The following TENM4 variants were observed in gnomAD, a reference collection of about 807,000 sequenced individuals.
TENM4 encodes the protein teneurin transmembrane protein 4, also known as teneurin-4.
Under a neutral mutation model 243.3 loss-of-function variants are expected in TENM4, and 82 were observed. The observed-to-expected ratio is 0.34, with a 90% CI of 0.28 to 0.40. The LOEUF is 0.40. TENM4 is among the 10% of genes least tolerant of loss of function. TENM4 has a pLI of 1.00. For synonymous variants in TENM4, 1,412 were observed against 1,456.3 expected (o/e 0.97, Z 0.69); for missense variants, 3,138 against 3,673.3 (o/e 0.85, Z 3.77).
intron 12 of TENM4, among the ~76,000 whole-genome samples, chr11:78,835,157 A>C (rs1218693682): frequency 6.6e-6 from 1 of 152,142 alleles, no homozygotes; most frequent in African/African-American, 2.4e-5. Context: ...TCTCAGTAGC[A>C]TTTGACATGA....
At chr11:79,015,673 T>C (rs1238832857) in intron 6 of TENM4, among the ~76,000 whole-genome samples, 1 of 152,202 alleles carries the variant, frequency 6.6e-6, no homozygotes, top group Non-Finnish European at 1.5e-5. Flanking sequence ...CTTGAGAGTC[T>C]GCTGCACTAT....
chr11:79,216,382 G>A (rs188280442), intron 2 of TENM4, among the ~76,000 whole-genome samples: 2 of 152,344 alleles, frequency 1.3e-5, no homozygotes, highest in East Asian at 3.9e-4. Context: ...CTAAGGTCTA[G>A]GGTTAGTGGC....
intron 2 of TENM4, among the ~76,000 whole-genome samples, chr11:79,296,287 A>G (rs1448295832): frequency 6.6e-6 from 1 of 152,210 alleles, no homozygotes. Flanking sequence ...GTAAAAAAGC[A>G]GCAGTTTTAC....
intron 6 of TENM4, among the ~76,000 whole-genome samples, chr11:79,049,970 C>T (rs1441925373): frequency 6.6e-6 from 1 of 152,106 alleles, no homozygotes; most frequent in African/African-American, 2.4e-5. Context: ...TTTGCTGTAA[C>T]AAATATTGTG....
chr11:79,139,949 T>C (rs528302946), intron 4 of TENM4, among the ~76,000 whole-genome samples: 1 of 150,342 alleles, frequency 6.7e-6, no homozygotes, highest in South Asian at 2.1e-4. Context: ...GGAACCAACA[T>C]TCCTTATGTC....
At chr11:79,417,539 G>C (rs540346220) in intron 1 of TENM4, among the ~76,000 whole-genome samples, 2 of 151,902 alleles carry the variant, frequency 1.3e-5, no homozygotes, top group African/African-American at 4.9e-5. Context: ...TTTCAACTTC[G>C]CATTCTGCTT....
chr11:78,853,817 T>C (rs1281965019), intron 12 of TENM4, among the ~76,000 whole-genome samples: 2 of 152,210 alleles, frequency 1.3e-5, no homozygotes, highest in Non-Finnish European at 2.9e-5. Flanking sequence ...CTGTGTGGCT[T>C]GTCCAGGATT....
intron 8 of TENM4, 135 bp downstream of exon 8, chr11:78,891,103 C>T (rs1565425917): frequency 2.8e-6 from 2 of 725,940 alleles, no homozygotes; most frequent in Non-Finnish European, 4.7e-6. Flanking sequence ...GCAAGTTGAA[C>T]ACGGACTTGG....
chr11:78,677,398 G>A (rs976617918), intron 29 of TENM4, among the ~76,000 whole-genome samples: 1 of 151,972 alleles, frequency 6.6e-6, no homozygotes, highest in South Asian at 2.1e-4. Flanking sequence ...AGGACTATAG[G>A]CATGCATCAC....
At chr11:78,731,265 C>A (rs1405592895) in intron 21 of TENM4, among the ~76,000 whole-genome samples, 3 of 152,148 alleles carry the variant, frequency 2.0e-5, no homozygotes, top group Non-Finnish European at 4.4e-5. Context: ...CACTGACAAC[C>A]ATTTCATAAG....
chr11:78,831,235 C>A (rs1565397664), intron 12 of TENM4, among the ~76,000 whole-genome samples: 1 of 152,224 alleles, frequency 6.6e-6, no homozygotes. Context: ...AGTTTCATGG[C>A]AGCTCAGGAA....
chr11:79,209,638 A>G (rs896344589), intron 3 of TENM4, among the ~76,000 whole-genome samples: 1 of 152,210 alleles, frequency 6.6e-6, no homozygotes, highest in Non-Finnish European at 1.5e-5. Flanking sequence ...ATCACAGGGA[A>G]GCAGAAGAAG....
intron 15 of TENM4, 76 bp downstream of exon 15, chr11:78,805,216 C>A: frequency 2.1e-6 from 2 of 971,902 alleles, no homozygotes; most frequent in South Asian, 1.6e-5. Context: ...TGATTGGGAA[C>A]AGTCACGTGA....
At chr11:78,675,205 T>C (rs929258801) in intron 30 of TENM4, among the ~76,000 whole-genome samples, 1 of 152,178 alleles carries the variant, frequency 6.6e-6, no homozygotes, top group African/African-American at 2.4e-5. Flanking sequence ...TATGAGACTC[T>C]GGAAAAATCG....
intron 1 of TENM4, among the ~76,000 whole-genome samples, chr11:79,344,101 A>T (rs570207425): frequency 1.3e-3 from 198 of 152,216 alleles, no homozygotes; most frequent in African/African-American, 4.6e-3. Flanking sequence ...CATTCCATCT[A>T]CTCCCAGACC....
intron 4 of TENM4, among the ~76,000 whole-genome samples, chr11:79,125,647 C>G (rs192498022): frequency 3.9e-5 from 6 of 152,230 alleles, no homozygotes; most frequent in Non-Finnish European, 1.5e-5. Context: ...AAACAGCTTC[C>G]CCATCCCCAG....
At chr11:79,246,698 TG>T (rs1026696457) in intron 2 of TENM4, among the ~76,000 whole-genome samples, 6 of 151,966 alleles carry the variant, frequency 3.9e-5, no homozygotes, top group African/African-American at 1.5e-4. Context: ...GTATGAAAAA[TG>T]AAAACAGGCA....
intron 1 of TENM4, among the ~76,000 whole-genome samples, chr11:79,368,611 ACC>A (rs1857722049): frequency 6.6e-6 from 1 of 151,760 alleles, no homozygotes; most frequent in African/African-American, 2.4e-5. Flanking sequence ...CTACATTTGA[ACC>A]CCAGTCCTGC....
intron 6 of TENM4, among the ~76,000 whole-genome samples, chr11:78,952,618 C>T (rs139992219): frequency 1.3e-5 from 2 of 152,330 alleles, no homozygotes; most frequent in Admixed American, 6.5e-5. Flanking sequence ...TCCATTTTTG[C>T]TCCTTCTCAG....
Sources: allele counts gnomAD v4.1 joint callset (sites outside exome capture counted in the v4.1 genomes callset), GRCh38; gene constraint gnomAD v4.1.1; transcripts MANE v1.5; gene names NCBI Gene and HGNC (gene_info 2026-07-23, HGNC 2026-07-21).